Variants in LRP6 observed in about 807,000 individuals in gnomAD.
The protein encoded by LRP6 is LDL receptor related protein 6.
Under a neutral mutation model 184.1 loss-of-function variants are expected in LRP6, and 43 were observed. The observed-to-expected ratio is 0.23, with a 90% CI of 0.18 to 0.30. The LOEUF (loss-of-function observed/expected upper bound fraction) is 0.30, where lower values mean the gene tolerates loss of function less well. Among genes scored for constraint, LRP6 ranks in the 10% least tolerant of loss-of-function variants. The probability of loss-of-function intolerance (pLI) is 1.00; values close to 1 mark genes in which losing one functional copy is unlikely to be tolerated. For synonymous variants in LRP6, 719 were observed against 684.9 expected (o/e 1.05, Z -0.78); for missense variants, 1,571 against 2,005.3 (o/e 0.78, Z 4.14).
At chr12:12,125,177 C>T in intron 21 of LRP6, 119 bp downstream of exon 21, 2 of 1,200,456 alleles carry the variant, frequency 1.7e-6, no homozygotes, top group Non-Finnish European at 2.4e-6. Flanking sequence ...GCCTTTTATG[C>T]CTAAATTTTA....
intron 1 of LRP6, among the ~76,000 whole-genome samples, chr12:12,263,017 G>C (rs1161552805): frequency 2.0e-5 from 3 of 151,454 alleles, no homozygotes; most frequent in Non-Finnish European, 2.9e-5. Context: ...ACTTTGGGAG[G>C]CCGAGATGGG....
intron 12 of LRP6, among the ~76,000 whole-genome samples, chr12:12,156,332 G>A (rs1185724356): frequency 1.3e-5 from 2 of 152,156 alleles, no homozygotes; most frequent in East Asian, 1.9e-4. Context: ...GGGAGTACCC[G>A]GCCTAGCTGA....
rs1565666683 is a variant in LRP6 at position 12,219,171 on chromosome 12, A to C, written c.450-15771T>G. ...ACTTGTAGGGCCCACTTTAGTTACA[A>C]ATTTTATACTCTTAACTGTCTACCC... On this transcript the variant is annotated intron_variant, in intron 2 of 22. Transcript: ENST00000261349. Among the ~76,000 whole-genome samples the C allele has an allele frequency of 2.0e-5, 3 of 152,082 alleles. No individual in the cohort carries two copies. The South Asian group carries it at 6.2e-4, about 32-fold the overall frequency.
chr12:12,190,985 T>C (rs990600160), intron 3 of LRP6, among the ~76,000 whole-genome samples: 1 of 152,118 alleles, frequency 6.6e-6, no homozygotes, highest in Non-Finnish European at 1.5e-5. Flanking sequence ...TAGAGAAAAC[T>C]ACCAACAGCC....
intron 9 of LRP6, 104 bp downstream of exon 9, chr12:12,164,169 G>T: frequency 2.0e-6 from 2 of 1,017,026 alleles, no homozygotes; most frequent in Non-Finnish European, 3.0e-6. Context: ...GTTGAACTCT[G>T]CCTGTCAAAC....
At chr12:12,142,559 A>G (rs1316577123) in intron 15 of LRP6, among the ~76,000 whole-genome samples, 1 of 152,184 alleles carries the variant, frequency 6.6e-6, no homozygotes, top group Admixed American at 6.5e-5. Flanking sequence ...GAAAAAAAAA[A>G]TCAACTTGAC....
At chr12:12,191,167 T>C (rs1431804124) in intron 3 of LRP6, among the ~76,000 whole-genome samples, 1 of 152,184 alleles carries the variant, frequency 6.6e-6, no homozygotes, top group Non-Finnish European at 1.5e-5. Context: ...GTGAATACAA[T>C]GAATTCATCG....
intron 2 of LRP6, among the ~76,000 whole-genome samples, chr12:12,243,998 C>A (rs1395204957): frequency 6.6e-6 from 1 of 152,112 alleles, no homozygotes; most frequent in East Asian, 1.9e-4. Flanking sequence ...ATGGGAGGAT[C>A]ACTTCAGCCT....
intron 2 of LRP6, among the ~76,000 whole-genome samples, chr12:12,243,612 A>G (rs1190168978): frequency 6.6e-6 from 1 of 152,162 alleles, no homozygotes; most frequent in East Asian, 1.9e-4. Flanking sequence ...GATTTACAGA[A>G]ACACTAAGAA....
intron 1 of LRP6, among the ~76,000 whole-genome samples, chr12:12,253,726 A>T (rs1591989836): frequency 6.6e-6 from 1 of 152,220 alleles, no homozygotes; most frequent in Non-Finnish European, 1.5e-5. Flanking sequence ...GATTATCAGT[A>T]ATAGGTTAAT....
At chr12:12,179,395 TATAG>T (rs1863283359) in intron 7 of LRP6, among the ~76,000 whole-genome samples, 2 of 146,114 alleles carry the variant, frequency 1.4e-5, no homozygotes, top group African/African-American at 2.5e-5. Flanking sequence ...TAGATATAGA[TATAG>T]ATATAGATAT....
intron 15 of LRP6, among the ~76,000 whole-genome samples, chr12:12,140,921 A>T (rs1364865803): frequency 1.3e-5 from 2 of 152,184 alleles, no homozygotes; most frequent in Non-Finnish European, 1.5e-5. Flanking sequence ...AATAAATCTT[A>T]AAACAAAACA....
chr12:12,130,226 G>A (rs1293783276), intron 19 of LRP6, among the ~76,000 whole-genome samples: 4 of 147,938 alleles, frequency 2.7e-5, no homozygotes, highest in African/African-American at 5.0e-5. Flanking sequence ...TTGCTCTGTC[G>A]CCTAGGCTAG....
intron 10 of LRP6, 98 bp downstream of exon 10, chr12:12,162,095 C>A: frequency 1.1e-6 from 1 of 922,800 alleles, no homozygotes. Context: ...ATTCCTAATA[C>A]GTATTATTTA....
At chr12:12,204,902 G>C (rs188486768) in intron 2 of LRP6, among the ~76,000 whole-genome samples, 1 of 145,992 alleles carries the variant, frequency 6.8e-6, no homozygotes, top group African/African-American at 2.5e-5. Context: ...GGGAGGCGGA[G>C]GGTGCAGTGA....
At chr12:12,125,516 A>G (rs1329671215) in intron 20 of LRP6, 84 bp from the exon 21 acceptor site, 2 of 1,193,470 alleles carry the variant, frequency 1.7e-6, no homozygotes, top group Non-Finnish European at 2.5e-6. Context: ...GTAGGATTAC[A>G]AATATCAACA....
chr12:12,204,961 CAAAAAAGA>C (rs544553188), intron 2 of LRP6, among the ~76,000 whole-genome samples: 374 of 148,052 alleles, frequency 2.5e-3, no homozygotes, highest in Non-Finnish European at 3.8e-3. Flanking sequence ...GACTCCGTCT[CAAAAAAGA>C]AAAAAAGAAA....
intron 1 of LRP6, among the ~76,000 whole-genome samples, chr12:12,252,842 T>C (rs1171797203): frequency 1.3e-5 from 2 of 152,224 alleles, no homozygotes; most frequent in Admixed American, 1.3e-4. Flanking sequence ...CATATATACA[T>C]TCTTGATATA....
Position 12,233,247 on chromosome 12 carries a change from C to A in LRP6, c.449+11015G>T, listed in dbSNP as rs550648376. 3.3e-5 allele frequency among the ~76,000 whole-genome samples: 5 copies of A among 152,194 alleles called. No individual in the cohort carries two copies. In the South Asian group the frequency reaches 1.0e-3, roughly 32 times the overall value. On this transcript the variant is annotated intron_variant, in intron 2 of 22. Coordinates refer to ENST00000261349, the MANE Select transcript of LRP6 (RefSeq NM_002336.3). The stretch of plus-strand genomic sequence containing the variant: ...CTTTGGGAAGCCAAGGTGGGTGGAT[C>A]ACAAGGTCAGGAGATCGAGACCATC...
Sources: gnomAD v4.1 joint callset for allele counts (sites outside exome capture counted in the v4.1 genomes callset) on GRCh38, gnomAD v4.1.1 for gene constraint, MANE v1.5 for transcripts, NCBI Gene and HGNC (gene_info 2026-07-23, HGNC 2026-07-21) for gene names.